Variants in CTNNA3 observed in about 807,000 individuals in gnomAD.
CTNNA3 encodes the protein catenin alpha 3, also known as catenin alpha-3.
Under a neutral mutation model 95.7 loss-of-function variants are expected in CTNNA3, and 76 were observed. The ratio of observed to expected loss-of-function variants is 0.79; its 90% CI spans 0.66 to 0.96. The LOEUF (loss-of-function observed/expected upper bound fraction) is 0.96, where lower values mean the gene tolerates loss of function less well. Among genes scored for constraint, CTNNA3 ranks in the 40% least tolerant of loss-of-function variants. The probability of loss-of-function intolerance (pLI) is 0.00; values close to 1 mark genes in which losing one functional copy is unlikely to be tolerated. For synonymous variants in CTNNA3, 431 were observed against 374.4 expected (o/e 1.15, Z -1.74); for missense variants, 1,191 against 1,089.8 (o/e 1.09, Z -1.31).
chr10:66,365,475 C>G (rs576860976), intron 12 of CTNNA3, among the ~76,000 whole-genome samples: 1 of 151,954 alleles, frequency 6.6e-6, no homozygotes, highest in African/African-American at 2.4e-5. Flanking sequence ...CCAGGGCACG[C>G]GTATACCTAT....
intron 17 of CTNNA3, among the ~76,000 whole-genome samples, chr10:65,952,583 C>T (rs2077642640): frequency 6.6e-6 from 1 of 152,004 alleles, no homozygotes; most frequent in Non-Finnish European, 1.5e-5. Flanking sequence ...TTTCTGTCTA[C>T]AAATGATTGC....
intron 11 of CTNNA3, among the ~76,000 whole-genome samples, chr10:66,463,206 T>C (rs576324860): frequency 6.6e-6 from 1 of 152,238 alleles, no homozygotes; most frequent in Admixed American, 6.5e-5. Context: ...TGTTGAGTCA[T>C]GGGGGCAGAA....
intron 12 of CTNNA3, among the ~76,000 whole-genome samples, chr10:66,325,821 T>G (rs1196160091): frequency 1.3e-5 from 2 of 152,086 alleles, no homozygotes; most frequent in Non-Finnish European, 2.9e-5. Flanking sequence ...AAATGAGAAC[T>G]GATTAGGTAA....
chr10:67,222,468 A>G (rs1217065782), intron 5 of CTNNA3, among the ~76,000 whole-genome samples: 1 of 152,226 alleles, frequency 6.6e-6, no homozygotes, highest in African/African-American at 2.4e-5. Flanking sequence ...TACATAGCAC[A>G]TCAGAAATGG....
chr10:66,553,517 CTTTTTTTTTTTT>C (rs753973882), intron 10 of CTNNA3, among the ~76,000 whole-genome samples: 1 of 52,216 alleles, frequency 1.9e-5, no homozygotes, highest in Non-Finnish European at 3.1e-5. Context: ...CAATACTTTT[CTTTTTTTTTTTT>C]TTTTTTTTTT....
intron 7 of CTNNA3, among the ~76,000 whole-genome samples, chr10:67,078,841 T>C (rs1031483868): frequency 6.6e-6 from 1 of 152,158 alleles, no homozygotes; most frequent in Non-Finnish European, 1.5e-5. Context: ...AACATCACAA[T>C]TCTCAAACTT....
At chr10:66,015,125 A>ATAATAATAATAAT (rs368221330) in intron 15 of CTNNA3, among the ~76,000 whole-genome samples, 1 of 130,094 alleles carries the variant, frequency 7.7e-6, no homozygotes, top group Non-Finnish European at 1.7e-5. Flanking sequence ...AATAATAATA[A>ATAATAATAATAAT]AATAAAATAA....
intron 7 of CTNNA3, among the ~76,000 whole-genome samples, chr10:66,863,241 A>G (rs1294559953): frequency 6.6e-6 from 1 of 151,762 alleles, no homozygotes; most frequent in Non-Finnish European, 1.5e-5. Flanking sequence ...AATACAATAT[A>G]TAATATATGT....
At chr10:67,431,583 A>G (rs1047135477) in intron 5 of CTNNA3, among the ~76,000 whole-genome samples, 13 of 151,990 alleles carry the variant, frequency 8.6e-5, no homozygotes, top group Admixed American at 1.3e-4. Context: ...TACAAAATGC[A>G]GCAAATGACA....
At chr10:66,771,078 G>A (rs1295007764) in intron 8 of CTNNA3, among the ~76,000 whole-genome samples, 1 of 152,010 alleles carries the variant, frequency 6.6e-6, no homozygotes, top group Admixed American at 6.6e-5. Context: ...TTTTTTCTGA[G>A]TGGTGAACTG....
At chr10:66,963,464 C>A (rs1447277313) in intron 7 of CTNNA3, among the ~76,000 whole-genome samples, 5 of 152,122 alleles carry the variant, frequency 3.3e-5, no homozygotes, top group African/African-American at 1.2e-4. Context: ...TTCCTCTTGA[C>A]AACGATTACT....
chr10:66,734,413 TA>T lies in CTNNA3; in HGVS notation c.1281+31850del, dbSNP rs143597595. On this transcript the variant is annotated intron_variant, in intron 9 of 17. Coordinates refer to ENST00000433211, the MANE Select transcript of CTNNA3 (RefSeq NM_013266.4). ...CTATTAGTTGTTAATATAATATTGA[TA>T]TTTTTCAGCATGTTAAGAAAATACC... 2.5e-3 allele frequency among the ~76,000 whole-genome samples: 376 copies of T among 152,276 alleles called. 1 individual carries two copies. The highest frequency in any genetic ancestry group is 8.3e-3 in the African/African-American group (347 of 41,580).
At chr10:66,852,278 T>A (rs915414258) in intron 7 of CTNNA3, among the ~76,000 whole-genome samples, 1 of 152,124 alleles carries the variant, frequency 6.6e-6, no homozygotes, top group African/African-American at 2.4e-5. Flanking sequence ...AACTTGAATA[T>A]AAACAATCTG....
chr10:67,068,510 G>C (rs1856232887), intron 7 of CTNNA3, among the ~76,000 whole-genome samples: 1 of 152,150 alleles, frequency 6.6e-6, no homozygotes, highest in Non-Finnish European at 1.5e-5. Flanking sequence ...AGTGAGTGAG[G>C]TCTTAAAGTG....
chr10:66,263,870 T>A (rs895673043), intron 13 of CTNNA3, among the ~76,000 whole-genome samples: 4 of 151,910 alleles, frequency 2.6e-5, no homozygotes, highest in Non-Finnish European at 5.9e-5. Flanking sequence ...TCTTTTTAAG[T>A]CTTCTAAGTT....
At chr10:66,648,333 C>A (rs555333148) in intron 9 of CTNNA3, among the ~76,000 whole-genome samples, 1 of 152,172 alleles carries the variant, frequency 6.6e-6, no homozygotes, top group African/African-American at 2.4e-5. Context: ...ATCACTCTGG[C>A]CCGCCATGGT....
intron 13 of CTNNA3, among the ~76,000 whole-genome samples, chr10:66,133,020 C>T (rs2083189540): frequency 6.6e-6 from 1 of 151,794 alleles, no homozygotes; most frequent in Non-Finnish European, 1.5e-5. Flanking sequence ...ACCTATATAA[C>T]AACCTGTACA....
chr10:67,194,845 C>G lies in CTNNA3; in HGVS notation c.844-14325G>C, dbSNP rs114108381. Among the ~76,000 whole-genome samples, 779 of 151,634 alleles carry G rather than the reference C, an allele frequency of 5.1e-3. 6 individuals are homozygous for G. The highest frequency in any genetic ancestry group is 0.018 in the African/African-American group (729 of 41,410). ...GAGGGGAATCTCTGTAAGTTTCTCT[C>G]AATTTTGCTGTGAATCTAAAACTGC... is the stretch of plus-strand genomic sequence containing the variant. On this transcript the variant is annotated intron_variant, in intron 6 of 17. Transcript: ENST00000433211.
At chr10:67,213,857 C>A (rs10762151) in intron 6 of CTNNA3, among the ~76,000 whole-genome samples, 4 of 151,472 alleles carry the variant, frequency 2.6e-5, no homozygotes, top group Admixed American at 2.6e-4. Flanking sequence ...CATGTGTCCT[C>A]GAAAAGAATG....
Sources: allele counts gnomAD v4.1 joint callset (sites outside exome capture counted in the v4.1 genomes callset), GRCh38; gene constraint gnomAD v4.1.1; transcripts MANE v1.5; gene names NCBI Gene and HGNC (gene_info 2026-07-23, HGNC 2026-07-21).